CPLX1: variants seen among roughly 807,000 people sequenced by gnomAD.
CPLX1 encodes complexin 1.
A neutral mutation model predicts 15.6 loss-of-function variants in CPLX1; 6 were observed. That is an observed-to-expected ratio of 0.39 (90% CI 0.21 to 0.76). The LOEUF is 0.76. Among genes scored for constraint, CPLX1 ranks in the 30% least tolerant of loss-of-function variants. The pLI is 0.43. For synonymous variants in CPLX1, 91 were observed against 75.2 expected (o/e 1.21, Z -1.08); for missense variants, 242 against 188.6 (o/e 1.28, Z -1.66).
chr4:799,451 C>T (rs142862734), intron 2 of CPLX1, among the ~76,000 whole-genome samples: 5 of 152,292 alleles, frequency 3.3e-5, no homozygotes, highest in South Asian at 2.1e-4. Context: ...CCCAGCTCCA[C>T]GGGGTGGAAG....
At chr4:810,695 T>C (rs1222678936) in intron 2 of CPLX1, among the ~76,000 whole-genome samples, 1 of 151,926 alleles carries the variant, frequency 6.6e-6, no homozygotes, top group East Asian at 1.9e-4. Flanking sequence ...TTCTTTTTTC[T>C]TTTTCTTTTT....
intron 2 of CPLX1, among the ~76,000 whole-genome samples, chr4:807,255 G>A (rs1746572759): frequency 2.0e-5 from 3 of 152,158 alleles, no homozygotes; most frequent in South Asian, 2.1e-4. Context: ...GTTCTCACTC[G>A]TAAGTGGGAG....
In CPLX1 at chr4:787,002, A is replaced by G. The variant is rs1280500250; in HGVS notation, c.208-304T>C. 3.0e-6 allele frequency: 3 copies of G among 985,260 alleles called. No individual in the cohort carries two copies. In the African/African-American group the frequency reaches 5.2e-5, roughly 17 times the overall value. The allele number at this position is 985,260 out of a possible 1,614,324, so 61.0% of individuals were successfully genotyped here. A position where few individuals can be genotyped will look rare whatever the true frequency, so the allele number is the denominator to read the frequency against. ...CCACCTCTGGCTCCAAACCCAGCCC[A>G]GCCCCTGGCATCCTGCCTTCCAGGA... On this transcript the variant is annotated intron_variant, in intron 3 of 3. Transcript: ENST00000304062.
At position 785,680 on chromosome 4, in the gene CPLX1, G is replaced by A. The variant is rs1217780808; in HGVS notation, c.*821C>T. On this transcript the variant is annotated 3_prime_UTR_variant, in exon 4 of 4. Coordinates refer to ENST00000304062, the MANE Select transcript of CPLX1 (RefSeq NM_006651.4). ...AGGAGGTGCTGGGCAGGGGCGCAGG[G>A]TCTCCAGCGTCCGGTGCCTCGGGCC... is the stretch of plus-strand genomic sequence containing the variant. 1 of 152,474 alleles carries A rather than the reference G, an allele frequency of 6.6e-6. No homozygotes were observed. Among genetic ancestry groups the A allele is most frequent in the East Asian group, 1.9e-4 (1 of 5,176 alleles). 9.4% of individuals were successfully genotyped at this position (152,474 alleles called of 1,614,324 possible).
At chr4:789,679 C>T (rs187276421) in intron 3 of CPLX1, among the ~76,000 whole-genome samples, 121 of 152,310 alleles carry the variant, frequency 7.9e-4, no homozygotes, top group African/African-American at 2.6e-3. Flanking sequence ...TCCCTGGGCC[C>T]GGGCCTGTCC....
intron 2 of CPLX1, among the ~76,000 whole-genome samples, chr4:823,171 TG>T (rs1271742341): frequency 2.0e-5 from 3 of 152,156 alleles, no homozygotes; most frequent in Non-Finnish European, 2.9e-5. Flanking sequence ...ACTCCCTGGG[TG>T]GAACGTGCGT....
chr4:787,003 G>A, intron 3 of CPLX1: 4 of 985,412 alleles, frequency 4.1e-6, no homozygotes, highest in Admixed American at 6.1e-5. Flanking sequence ...ACCCAGCCCA[G>A]CCCCTGGCAT....
At chr4:823,440 C>T (rs753878386) in intron 2 of CPLX1, among the ~76,000 whole-genome samples, 7 of 152,186 alleles carry the variant, frequency 4.6e-5, no homozygotes, top group Admixed American at 1.3e-4. Context: ...CCCTCGAACC[C>T]GGCCAGCTCC....
intron 3 of CPLX1, among the ~76,000 whole-genome samples, chr4:790,821 C>G (rs993767812): frequency 6.6e-6 from 1 of 152,142 alleles, no homozygotes; most frequent in Non-Finnish European, 1.5e-5. Context: ...TCTAGCTCTG[C>G]CTGGGGCTCT....
intron 1 of CPLX1, 99 bp from the exon 2 acceptor site, chr4:824,700 G>C (rs762931618): frequency 3.4e-5 from 25 of 739,632 alleles, no homozygotes; most frequent in South Asian, 5.8e-5. Context: ...TTGTGGGCTG[G>C]ACCCTCCCCC....
intron 1 of CPLX1, 156 bp from the exon 2 acceptor site, chr4:824,757 C>T: frequency 1.4e-6 from 1 of 691,410 alleles, no homozygotes; most frequent in South Asian, 1.5e-5. Flanking sequence ...GCTTCTGTCC[C>T]CACACCCAAA....
intron 2 of CPLX1, among the ~76,000 whole-genome samples, chr4:805,217 C>G (rs1746535425): frequency 6.6e-6 from 1 of 152,040 alleles, no homozygotes; most frequent in Admixed American, 6.5e-5. Flanking sequence ...GTTTGGAAGG[C>G]AAAAAGGAAA....
chr4:808,397 CAG>C (rs1283436461), intron 2 of CPLX1, among the ~76,000 whole-genome samples: 1 of 152,188 alleles, frequency 6.6e-6, no homozygotes, highest in African/African-American at 2.4e-5. Context: ...AGCGGCATGT[CAG>C]GGGTGGCCCA....
rs541923604 is a variant in CPLX1, at chr4:819,511, A to C, written c.31+4981T>G. ...AACAAATGTTGGCATTTTACTGTTA[A>C]GTGTTTGCAAACTGCCTTTCGAGCA... is the stretch of plus-strand genomic sequence containing the variant. On this transcript the variant is annotated intron_variant, in intron 2 of 3. Transcript: ENST00000304062. 5.9e-5 allele frequency among the ~76,000 whole-genome samples: 9 copies of C among 152,350 alleles called. No homozygotes were observed. In the South Asian group the frequency reaches 1.2e-3, roughly 21 times the overall value.
chr4:808,918 A>G (rs1188417096), intron 2 of CPLX1, among the ~76,000 whole-genome samples: 1 of 152,268 alleles, frequency 6.6e-6, no homozygotes, highest in Non-Finnish European at 1.5e-5. Context: ...GGAGAAAAAG[A>G]AGGAAATCCT....
At chr4:803,347 A>G (rs375674537) in intron 2 of CPLX1, among the ~76,000 whole-genome samples, 5 of 152,122 alleles carry the variant, frequency 3.3e-5, no homozygotes, top group African/African-American at 1.2e-4. Flanking sequence ...CGCATGTACG[A>G]CAGTGCCCTG....
chr4:805,102 C>T (rs1022461183), intron 2 of CPLX1, among the ~76,000 whole-genome samples: 5 of 152,236 alleles, frequency 3.3e-5, no homozygotes, highest in African/African-American at 7.2e-5. Flanking sequence ...ATACGCCCAT[C>T]GCACATCCAC....
intron 2 of CPLX1, among the ~76,000 whole-genome samples, chr4:812,095 G>C (rs1287472888): frequency 6.6e-6 from 1 of 151,740 alleles, no homozygotes; most frequent in Non-Finnish European, 1.5e-5. Context: ...ATTTATTTGA[G>C]ACAGAGTCTT....
At chr4:821,213 C>A (rs1396178513) in intron 2 of CPLX1, among the ~76,000 whole-genome samples, 1 of 152,200 alleles carries the variant, frequency 6.6e-6, no homozygotes, top group Non-Finnish European at 1.5e-5. Context: ...CGGACACTGT[C>A]CATCGTGACT....
Sources: gnomAD v4.1 joint callset for allele counts (sites outside exome capture counted in the v4.1 genomes callset) on GRCh38, gnomAD v4.1.1 for gene constraint, MANE v1.5 for transcripts, NCBI Gene and HGNC (gene_info 2026-07-23, HGNC 2026-07-21) for gene names.